Variants in ADGB observed in about 807,000 individuals in gnomAD.
ADGB encodes the protein calpain-7-like protein.
In ADGB, 172 loss-of-function variants were observed where a neutral mutation model predicts 210.5. The observed-to-expected ratio is 0.82, with a 90% CI of 0.72 to 0.93. The LOEUF (loss-of-function observed/expected upper bound fraction) is 0.93. Ranked by LOEUF, ADGB falls within the 40% of genes least tolerant of loss-of-function variation. The pLI, the probability that ADGB is intolerant of heterozygous loss-of-function variation, is 0.00. For synonymous variants in ADGB, 658 were observed against 662.7 expected, an observed-to-expected ratio of 0.99 and a Z score of 0.11; for missense variants, 2,025 against 1,964.8, an observed-to-expected ratio of 1.03 and a Z score of -0.58.
intron 1 of ADGB, among the ~76,000 whole-genome samples, chr6:146,634,904 T>C (rs1045397631): frequency 6.6e-6 from 1 of 152,068 alleles, no homozygotes; most frequent in South Asian, 2.1e-4. Context: ...CTTAAATTAG[T>C]ATTTAGATAA....
chr6:146,690,360 ATGT>A (rs1228894549), intron 10 of ADGB, among the ~76,000 whole-genome samples: 3 of 152,230 alleles, frequency 2.0e-5, no homozygotes, highest in Non-Finnish European at 4.4e-5. Context: ...ATTGATTTTA[ATGT>A]TGTTAATATT....
rs927486482 is a variant in ADGB at position 146,702,966 on chromosome 6, T to A, written c.1707+1896T>A. Among the ~76,000 whole-genome samples, 77 of 152,028 alleles carry A rather than the reference T, an allele frequency of 5.1e-4. No individual in the cohort carries two copies. In the East Asian group the frequency reaches 8.9e-3, roughly 18 times the overall value. Reference sequence around the variant, plus strand: ...CCACATGGAGTGTGTAGGGATTTTTTAAAAATTTTGCCAATCAGATTGGTA... The same window carrying A: ...CCACATGGAGTGTGTAGGGATTTTTAAAAAATTTTGCCAATCAGATTGGTA... On this transcript the variant is annotated intron_variant, in intron 13 of 35. Transcript: ENST00000397944.
intron 1 of ADGB, among the ~76,000 whole-genome samples, chr6:146,603,663 TA>T (rs1251840078): frequency 6.6e-6 from 1 of 152,220 alleles, no homozygotes; most frequent in Non-Finnish European, 1.5e-5. Flanking sequence ...ATTTTCAAGT[TA>T]ATCTAACTTT....
At chr6:146,694,307 C>G (rs559049739) in intron 12 of ADGB, among the ~76,000 whole-genome samples, 1 of 152,144 alleles carries the variant, frequency 6.6e-6, no homozygotes, top group Non-Finnish European at 1.5e-5. Flanking sequence ...AAGAACTGCA[C>G]GCCAGCAGAG....
intron 8 of ADGB, among the ~76,000 whole-genome samples, chr6:146,672,867 G>T (rs1226686236): frequency 6.6e-6 from 1 of 151,792 alleles, no homozygotes; most frequent in African/African-American, 2.4e-5. Context: ...AGTAGCTGGG[G>T]TTACAGGCGT....
intron 25 of ADGB, among the ~76,000 whole-genome samples, chr6:146,745,371 C>G (rs1777213531): frequency 2.0e-5 from 3 of 152,178 alleles, no homozygotes; most frequent in Admixed American, 6.5e-5. Context: ...GTAAGCCATT[C>G]CCAGGCTCTT....
Position 146,752,548 on chromosome 6 carries a change from A to G in ADGB, c.3384A>G (p.Leu1128=), listed in dbSNP as rs1455992116. 6.5e-7 allele frequency: 1 copy of G among 1,544,866 alleles called. No individual in the cohort carries two copies. Among genetic ancestry groups the G allele is most frequent in the African/African-American group, 1.4e-5 (1 of 72,578 alleles). The change falls in exon 27 of 36, where the codon CTA becomes CTG. Residue 1128 remains leucine (L), a synonymous_variant. Coordinates refer to ENST00000397944, the MANE Select transcript of ADGB (RefSeq NM_024694.4). ...TTTACAGGTATTCGGTTAAAGTTCTAACACCACAACCTGCTACAATACAGG... is the reference window on the plus strand; with the variant it reads ...TTTACAGGTATTCGGTTAAAGTTCTGACACCACAACCTGCTACAATACAGG... The part of the protein sequence containing the change: ...KILFRYSVKV[L]TPQPATIQVR...
At chr6:146,740,242 C>A (rs1777145055) in intron 23 of ADGB, among the ~76,000 whole-genome samples, 1 of 152,150 alleles carries the variant, frequency 6.6e-6, no homozygotes, top group Non-Finnish European at 1.5e-5. Context: ...ACCTTGGGCA[C>A]CTTTGACAGA....
At chr6:146,707,239 T>C (rs1776586397) in intron 13 of ADGB, among the ~76,000 whole-genome samples, 1 of 152,194 alleles carries the variant, frequency 6.6e-6, no homozygotes, top group East Asian at 1.9e-4. Flanking sequence ...TGTTAAGACT[T>C]GCTTTGTGGC....
At chr6:146,652,371 C>A (rs77190451) in intron 3 of ADGB, among the ~76,000 whole-genome samples, 2,410 of 152,190 alleles carry the variant, frequency 0.016, 74 homozygotes, top group African/African-American at 0.054. Flanking sequence ...TTATGATCTG[C>A]AGAGTCAATT....
chr6:146,690,486 C>T (rs73589844), intron 10 of ADGB, among the ~76,000 whole-genome samples: 2,833 of 152,172 alleles, frequency 0.019, 77 homozygotes, highest in African/African-American at 0.062. Flanking sequence ...ATTGTTCAGC[C>T]GTAAATCAGT....
At chr6:146,740,757 T>G (rs1358290073) in intron 24 of ADGB, among the ~76,000 whole-genome samples, 164 bp downstream of exon 24, 2 of 152,140 alleles carry the variant, frequency 1.3e-5, no homozygotes, top group African/African-American at 4.8e-5. Context: ...ATAGAAATTT[T>G]TATCTATTCT....
intron 9 of ADGB, among the ~76,000 whole-genome samples, chr6:146,679,891 T>G (rs567045062): frequency 6.6e-6 from 1 of 152,290 alleles, no homozygotes; most frequent in Non-Finnish European, 1.5e-5. Context: ...ATGAGAAATA[T>G]TAGAGATTTG....
intron 18 of ADGB, chr6:146,725,874 C>A: frequency 2.4e-6 from 1 of 420,242 alleles, no homozygotes; most frequent in Non-Finnish European, 4.3e-6. Flanking sequence ...TATTTTTGTC[C>A]TACATAATAA....
chr6:146,624,656 C>CT (rs1342352754), intron 1 of ADGB, among the ~76,000 whole-genome samples: 6 of 151,708 alleles, frequency 4.0e-5, no homozygotes, highest in Non-Finnish European at 5.9e-5. Context: ...TGGACTTGCT[C>CT]TTTTTTTCTT....
chr6:146,606,943 AT>A (rs1435823748), intron 1 of ADGB, among the ~76,000 whole-genome samples: 6 of 152,076 alleles, frequency 3.9e-5, no homozygotes, highest in African/African-American at 1.4e-4. Context: ...GTAAAACGAC[AT>A]TGGTATTGAT....
At chr6:146,679,342 T>G in intron 9 of ADGB, among the ~76,000 whole-genome samples, 1 of 152,208 alleles carries the variant, frequency 6.6e-6, no homozygotes, top group East Asian at 1.9e-4. Context: ...TAATTTCATC[T>G]AGTTAAAATA....
chr6:146,809,239 C>G (rs1778262672), intron 35 of ADGB, among the ~76,000 whole-genome samples: 1 of 152,190 alleles, frequency 6.6e-6, no homozygotes, highest in African/African-American at 2.4e-5. Flanking sequence ...TTTCCTAACA[C>G]TTGTTGCCTA....
At chr6:146,620,115 C>G (rs985511198) in intron 1 of ADGB, among the ~76,000 whole-genome samples, 1 of 152,118 alleles carries the variant, frequency 6.6e-6, no homozygotes, top group Admixed American at 6.5e-5. Context: ...TCCTGACTTG[C>G]GGGATTTATG....
Sources: allele counts gnomAD v4.1 joint callset (sites outside exome capture counted in the v4.1 genomes callset), GRCh38; gene constraint gnomAD v4.1.1; transcripts MANE v1.5; gene names NCBI Gene and HGNC (gene_info 2026-07-23, HGNC 2026-07-21).